PCDHA2: variants seen among roughly 807,000 people sequenced by gnomAD.
PCDHA2 encodes the protein protocadherin alpha 2.
Under a neutral mutation model 66.0 loss-of-function variants are expected in PCDHA2, and 58 were observed. The ratio of observed to expected loss-of-function variants is 0.88; its 90% confidence interval spans 0.71 to 1.09. The LOEUF (loss-of-function observed/expected upper bound fraction) is 1.09. PCDHA2 is among the 50% of genes least tolerant of loss of function. The pLI is 0.00. For synonymous variants in PCDHA2, 634 were observed against 554.0 expected (o/e 1.14, Z -2.03); for missense variants, 1,267 against 1,242.3 (o/e 1.02, Z -0.30).
At chr5:140,871,176 GCT>G in intron 1 of PCDHA2, 6 of 1,613,534 alleles carry the variant, frequency 3.7e-6, no homozygotes, top group Non-Finnish European at 5.1e-6. Context: ...CAGAGGCTGC[GCT>G]GGTGGATGTC....
chr5:140,827,978 G>A, intron 1 of PCDHA2: 1 of 1,411,616 alleles, frequency 7.1e-7, no homozygotes, highest in Non-Finnish European at 9.6e-7. Flanking sequence ...ATCATTCCCT[G>A]ACTGTTGAAT....
intron 1 of PCDHA2, chr5:140,867,619 C>G (rs1554161426): frequency 6.6e-6 from 1 of 152,174 alleles, no homozygotes; most frequent in African/African-American, 2.4e-5. Context: ...AACTATAGAA[C>G]AAAATATTTA....
chr5:140,993,282 C>G lies in PCDHA2; in HGVS notation c.2536+10719C>G, dbSNP rs183298575. On this transcript the variant is annotated intron_variant, in intron 3 of 3. Transcript: ENST00000526136. Reference sequence around the variant, plus strand: ...ATTAGCTTCTTTGGTCTTTTCTTGCCCAGGGTCACAACCTTGCCTCCAGGA... The same window carrying G: ...ATTAGCTTCTTTGGTCTTTTCTTGCGCAGGGTCACAACCTTGCCTCCAGGA... Among the ~76,000 whole-genome samples, 618 of 151,922 alleles carry G rather than the reference C, an allele frequency of 4.1e-3. 6 individuals are homozygous for G. Among genetic ancestry groups the G allele is most frequent in the Non-Finnish European group, 5.9e-3 (399 of 67,976 alleles).
At chr5:140,927,165 T>A in intron 1 of PCDHA2, 1 of 1,614,164 alleles carries the variant, frequency 6.2e-7, no homozygotes, top group Non-Finnish European at 8.5e-7. Context: ...GGGCCAAAGC[T>A]GCCTGCGTCT....
chr5:141,001,670 C>T (rs1554258276), intron 3 of PCDHA2, among the ~76,000 whole-genome samples: 1 of 151,900 alleles, frequency 6.6e-6, no homozygotes, highest in African/African-American at 2.4e-5. Flanking sequence ...CTTGTCCAGT[C>T]GGTCCAACAA....
At chr5:140,971,807 T>C in intron 1 of PCDHA2, among the ~76,000 whole-genome samples, 1 of 152,270 alleles carries the variant, frequency 6.6e-6, no homozygotes, top group Middle Eastern at 3.4e-3. Context: ...TATTATAATA[T>C]TGAATACATA....
intron 1 of PCDHA2, chr5:140,967,728 G>T: frequency 6.2e-7 from 1 of 1,614,176 alleles, no homozygotes; most frequent in East Asian, 2.2e-5. Context: ...CGAGTAATTG[G>T]GGGGCTGGAT....
At chr5:140,984,643 C>G (rs1300632981) in intron 3 of PCDHA2, among the ~76,000 whole-genome samples, 3 of 152,152 alleles carry the variant, frequency 2.0e-5, no homozygotes, top group Non-Finnish European at 4.4e-5. Context: ...TCTGCCTTCT[C>G]CCTGTCCTTC....
At chr5:140,836,797 C>A in intron 1 of PCDHA2, 1 of 1,343,980 alleles carries the variant, frequency 7.4e-7, no homozygotes, top group Admixed American at 2.4e-5. Flanking sequence ...AATTGGTCTC[C>A]TTAAATTTTC....
At chr5:141,000,080 G>C (rs1554257118) in intron 3 of PCDHA2, among the ~76,000 whole-genome samples, 1 of 152,068 alleles carries the variant, frequency 6.6e-6, no homozygotes, top group Non-Finnish European at 1.5e-5. Flanking sequence ...ACAATGCTAG[G>C]CCTGTGAATG....
intron 1 of PCDHA2, among the ~76,000 whole-genome samples, chr5:140,933,901 C>T (rs1218971055): frequency 4.0e-5 from 6 of 151,882 alleles, no homozygotes; most frequent in African/African-American, 1.2e-4. Context: ...AATATTTTGG[C>T]ATAAAGTTGT....
chr5:140,928,043 C>T, intron 1 of PCDHA2: 1 of 1,614,192 alleles, frequency 6.2e-7, no homozygotes, highest in Non-Finnish European at 8.5e-7. Context: ...AGTGCAGGCC[C>T]TTTTCAGCTG....
At chr5:140,863,021 T>A (rs1228071790) in intron 1 of PCDHA2, 1 of 554,192 alleles carries the variant, frequency 1.8e-6, no homozygotes, top group Non-Finnish European at 3.5e-6. Flanking sequence ...CGCCTGGTTG[T>A]CGCAACAGCT....
chr5:140,828,538 T>C (rs2150156522), intron 1 of PCDHA2: 19 of 1,614,100 alleles, frequency 1.2e-5, no homozygotes, highest in African/African-American at 6.7e-5. Context: ...GGCTGCCAGA[T>C]TCTGTGTTTC....
intron 1 of PCDHA2, chr5:140,926,949 G>C: frequency 3.8e-6 from 6 of 1,592,316 alleles, no homozygotes; most frequent in Non-Finnish European, 5.1e-6. Context: ...GCGCTGCAGC[G>C]GGACAGCTCG....
At chr5:140,952,471 A>G (rs1324501616) in intron 1 of PCDHA2, among the ~76,000 whole-genome samples, 2 of 152,204 alleles carry the variant, frequency 1.3e-5, no homozygotes, top group African/African-American at 2.4e-5. Context: ...AAGCATAAGG[A>G]AAGTGACATT....
intron 1 of PCDHA2, chr5:140,828,761 G>T (rs1769927024): frequency 1.9e-6 from 3 of 1,614,218 alleles, no homozygotes; most frequent in Middle Eastern, 1.6e-4. Flanking sequence ...TGAGCTCACA[G>T]GCACTGTTCA....
chr5:140,982,014 C>G lies in PCDHA2; in HGVS notation c.2448-461C>G, dbSNP rs546904836. Among the ~76,000 whole-genome samples the G allele has an allele frequency of 3.3e-5, 5 of 152,270 alleles. No individual in the cohort carries two copies. The South Asian group carries it at 1.0e-3, about 32-fold the overall frequency. ...ATAAGGTTAAGAATTAATTAGATAG[C>G]CAAATTGGAACAATACTCCAATTAT... is the stretch of plus-strand genomic sequence containing the variant. On this transcript the variant is annotated intron_variant, in intron 2 of 3. Coordinates refer to ENST00000526136, the MANE Select transcript of PCDHA2 (RefSeq NM_018905.3).
At chr5:140,915,232 C>T (rs1554196813) in intron 1 of PCDHA2, among the ~76,000 whole-genome samples, 1 of 152,156 alleles carries the variant, frequency 6.6e-6, no homozygotes, top group Non-Finnish European at 1.5e-5. Flanking sequence ...CAGGCATGAG[C>T]CACCATGCCT....
Sources: gnomAD v4.1 joint callset for allele counts (sites outside exome capture counted in the v4.1 genomes callset) on GRCh38, gnomAD v4.1.1 for gene constraint, MANE v1.5 for transcripts, NCBI Gene and HGNC (gene_info 2026-07-23, HGNC 2026-07-21) for gene names.